Variants in CBFA2T2 observed in about 807,000 individuals in gnomAD.
CBFA2T2 encodes CBFA2/RUNX1 partner transcriptional co-repressor 2.
CBFA2T2 carries 11 observed loss-of-function variants against 62.2 expected under a neutral mutation model. The ratio of observed to expected loss-of-function variants is 0.18; its 90% confidence interval spans 0.11 to 0.29. The LOEUF (loss-of-function observed/expected upper bound fraction) is 0.29, where lower values mean the gene tolerates loss of function less well. CBFA2T2 is among the 10% of genes least tolerant of loss of function. CBFA2T2 has a pLI of 1.00. For missense variants in CBFA2T2, 592 were observed against 774.1 expected, an observed-to-expected ratio of 0.76 and a Z score of 2.79; for synonymous variants, 295 against 287.5, an observed-to-expected ratio of 1.03 and a Z score of -0.27.
At chr20:33,610,948 C>G (rs1225343706) in intron 2 of CBFA2T2, 146 bp from the exon 3 acceptor site, 1 of 876,216 alleles carries the variant, frequency 1.1e-6, no homozygotes. Context: ...AGCAGTCTCA[C>G]TGAGGACAGA....
intron 1 of CBFA2T2, among the ~76,000 whole-genome samples, chr20:33,566,943 A>G (rs2013344616): frequency 6.6e-6 from 1 of 152,134 alleles, no homozygotes; most frequent in Non-Finnish European, 1.5e-5. Context: ...TATATGTGTG[A>G]TTTATATACC....
chr20:33,490,103 GCGGCGA>G lies in CBFA2T2; in HGVS notation c.-157_-152del, dbSNP rs1165106626. 3.0e-6 allele frequency: 2 copies of G among 667,108 alleles called. No homozygotes were observed. Among genetic ancestry groups the G allele is most frequent in the African/African-American group, 2.0e-5 (1 of 51,124 alleles). The allele number at this position is 667,108 out of a possible 1,614,324, so 41.3% of individuals were successfully genotyped here. A position where few individuals can be genotyped will look rare whatever the true frequency, so the allele number is the denominator to read the frequency against. ...GCGCGGCCTAACGGCGGCGGCGGCG[GCGGCGA>G]CGGCGACAGCAGCGGTGGTGGTGTC... On this transcript the variant is annotated 5_prime_UTR_variant, in exon 1 of 11. Coordinates refer to ENST00000342704, the MANE Select transcript of CBFA2T2 (RefSeq NM_001032999.3).
intron 1 of CBFA2T2, among the ~76,000 whole-genome samples, chr20:33,565,155 A>G (rs963087076): frequency 2.0e-5 from 3 of 151,678 alleles, no homozygotes; most frequent in East Asian, 3.9e-4. Context: ...TCCTGACCTC[A>G]TGATCTGCCC....
At position 33,560,837 on chromosome 20, in the gene CBFA2T2, A is replaced by T. The variant is rs560718505; in HGVS notation, c.35-46119A>T. 4.6e-5 allele frequency among the ~76,000 whole-genome samples: 7 copies of T among 152,224 alleles called. No homozygotes were observed. The East Asian group carries it at 1.4e-3, about 29-fold the overall frequency. On this transcript the variant is annotated intron_variant, in intron 1 of 10. Coordinates refer to ENST00000342704, the MANE Select transcript of CBFA2T2 (RefSeq NM_001032999.3). The stretch of plus-strand genomic sequence containing the variant: ...TGTCATGTAATGTGACCCAGGAAGA[A>T]GCCAAGACCCCCGCCTTCCCCTGGC...
rs1000302893 is a variant in CBFA2T2, at chr20:33,619,672, A to G, written c.510+66A>G. 17 of 1,205,972 alleles carry G rather than the reference A, an allele frequency of 1.4e-5. No homozygotes were observed. The East Asian group carries it at 3.8e-4, about 27-fold the overall frequency. The allele number at this position is 1,205,972 out of a possible 1,614,324, so 74.7% of individuals were successfully genotyped here. A position where few individuals can be genotyped will look rare whatever the true frequency, so the allele number is the denominator to read the frequency against. ...TCCTCAAATTCTGCTAATCCCTGTT[A>G]CGTGATTTAAATCAGAGCCGCTTGC... On this transcript the variant is annotated intron_variant, in intron 4 of 10. Coordinates refer to ENST00000342704, the MANE Select transcript of CBFA2T2 (RefSeq NM_001032999.3).
Position 33,511,361 on chromosome 20 carries a change from C to T in CBFA2T2, c.34+21060C>T, listed in dbSNP as rs568679524. On this transcript the variant is annotated intron_variant, in intron 1 of 10. Transcript: ENST00000342704. ...TTTCAGTTTTCTACATATGGCTAGC[C>T]GGTTTTCCCAGCACCATTTATTAAA... Among the ~76,000 whole-genome samples the T allele has an allele frequency of 8.5e-5, 13 of 152,244 alleles. No individual in the cohort carries two copies. The East Asian group carries it at 1.2e-3, about 14-fold the overall frequency.
chr20:33,564,323 C>A (rs893611855), intron 1 of CBFA2T2, among the ~76,000 whole-genome samples: 1 of 149,102 alleles, frequency 6.7e-6, no homozygotes, highest in Non-Finnish European at 1.5e-5. Flanking sequence ...AGTGCAGTGG[C>A]GCGGTCTCGG....
At chr20:33,587,571 T>C (rs2014432230) in intron 1 of CBFA2T2, among the ~76,000 whole-genome samples, 1 of 151,790 alleles carries the variant, frequency 6.6e-6, no homozygotes, top group South Asian at 2.1e-4. Flanking sequence ...TGGCCAATTT[T>C]TGTACTTTTA....
intron 1 of CBFA2T2, among the ~76,000 whole-genome samples, chr20:33,548,632 A>C (rs2012644480): frequency 6.6e-6 from 1 of 152,114 alleles, no homozygotes; most frequent in Non-Finnish European, 1.5e-5. Context: ...CTCATATTTT[A>C]GGCTTTTCAA....
intron 1 of CBFA2T2, among the ~76,000 whole-genome samples, chr20:33,529,288 G>A (rs182928769): frequency 4.6e-4 from 70 of 152,170 alleles, no homozygotes; most frequent in African/African-American, 1.5e-3. Flanking sequence ...GCCTCCCAAA[G>A]TGCTAGGATT....
chr20:33,615,782 A>G (rs186705751), intron 3 of CBFA2T2, among the ~76,000 whole-genome samples: 26 of 152,266 alleles, frequency 1.7e-4, no homozygotes, highest in African/African-American at 6.3e-4. Flanking sequence ...GGTAGAGAGA[A>G]GACAGCAGAT....
At chr20:33,584,259 C>CT (rs1233432686) in intron 1 of CBFA2T2, among the ~76,000 whole-genome samples, 27 of 139,506 alleles carry the variant, frequency 1.9e-4, no homozygotes, top group South Asian at 1.2e-3. Context: ...GATTAAGTGA[C>CT]TTTTTTTTTT....
chr20:33,517,449 GGT>G (rs1491176764), intron 1 of CBFA2T2, among the ~76,000 whole-genome samples: 5 of 143,468 alleles, frequency 3.5e-5, no homozygotes, highest in Admixed American at 1.4e-4. Context: ...TGGTTTTTTT[GGT>G]GTTTTTTTTT....
intron 1 of CBFA2T2, among the ~76,000 whole-genome samples, chr20:33,597,629 C>T (rs958896643): frequency 6.6e-6 from 1 of 152,088 alleles, no homozygotes; most frequent in Non-Finnish European, 1.5e-5. Context: ...GAATCTAATG[C>T]CTGATGATCT....
intron 3 of CBFA2T2, among the ~76,000 whole-genome samples, chr20:33,617,755 G>A (rs942660437): frequency 2.0e-5 from 3 of 152,094 alleles, no homozygotes; most frequent in Non-Finnish European, 4.4e-5. Context: ...CAGATATAAC[G>A]TTAACTTTAA....
intron 1 of CBFA2T2, among the ~76,000 whole-genome samples, chr20:33,518,814 C>CT (rs1411942135): frequency 6.7e-6 from 1 of 149,506 alleles, no homozygotes; most frequent in African/African-American, 2.4e-5. Context: ...TCTTGGTTTT[C>CT]TTTTTTTCTT....
chr20:33,508,190 G>A (rs969212265), intron 1 of CBFA2T2, among the ~76,000 whole-genome samples: 1 of 152,106 alleles, frequency 6.6e-6, no homozygotes, highest in Non-Finnish European at 1.5e-5. Flanking sequence ...CGCCTCCCGG[G>A]TTTAAGTGAT....
intron 1 of CBFA2T2, among the ~76,000 whole-genome samples, chr20:33,490,574 C>T (rs2011139305): frequency 6.6e-6 from 1 of 152,194 alleles, no homozygotes; most frequent in African/African-American, 2.4e-5. Flanking sequence ...GGCCGGCGTC[C>T]ATGGGACTTG....
chr20:33,564,332 G>A (rs1378830846), intron 1 of CBFA2T2, among the ~76,000 whole-genome samples: 2 of 149,812 alleles, frequency 1.3e-5, no homozygotes, highest in African/African-American at 2.5e-5. Context: ...GCGCGGTCTC[G>A]GCTCACTGCA....
Sources: allele counts gnomAD v4.1 joint callset (sites outside exome capture counted in the v4.1 genomes callset), GRCh38; gene constraint gnomAD v4.1.1; transcripts MANE v1.5; gene names NCBI Gene and HGNC (gene_info 2026-07-23, HGNC 2026-07-21).